Variants in MTA3 observed in about 807,000 individuals in gnomAD.
The protein encoded by MTA3 is metastasis associated 1 family member 3, also known as metastasis-associated protein MTA3.
A neutral mutation model predicts 83.5 loss-of-function variants in MTA3; 34 were observed. That is an observed-to-expected ratio of 0.41 (90% CI 0.31 to 0.54). The LOEUF is 0.54. Ranked by LOEUF, MTA3 falls within the 20% of genes least tolerant of loss-of-function variation. The pLI, the probability that MTA3 is intolerant of heterozygous loss-of-function variation, is 0.33. For synonymous variants in MTA3, 303 were observed against 252.7 expected (o/e 1.20, Z -1.89); for missense variants, 761 against 726.4 (o/e 1.05, Z -0.55).
At chr2:42,527,300 G>A (rs1675761570) in intron 2 of MTA3, among the ~76,000 whole-genome samples, 1 of 152,076 alleles carries the variant, frequency 6.6e-6, no homozygotes, top group African/African-American at 2.4e-5. Flanking sequence ...AAGCAAGTTT[G>A]AATCCTTCAT....
chr2:42,651,474 C>T (rs531426841), intron 6 of MTA3, among the ~76,000 whole-genome samples: 1 of 152,168 alleles, frequency 6.6e-6, no homozygotes, highest in Non-Finnish European at 1.5e-5. Context: ...TTTAATACTG[C>T]CATCCTGAGG....
chr2:42,648,845 CTTAAA>C (rs1206394513), intron 6 of MTA3, among the ~76,000 whole-genome samples: 3 of 151,900 alleles, frequency 2.0e-5, no homozygotes, highest in African/African-American at 4.8e-5. Flanking sequence ...TTATGAAAAC[CTTAAA>C]TTATTAAACG....
chr2:42,623,018 A>T (rs1172445867), intron 4 of MTA3, among the ~76,000 whole-genome samples: 1 of 152,250 alleles, frequency 6.6e-6, no homozygotes, highest in Non-Finnish European at 1.5e-5. Context: ...AACTTTGTTT[A>T]TGACAAAGTC....
At chr2:42,649,294 G>A (rs2104335549) in intron 6 of MTA3, among the ~76,000 whole-genome samples, 1 of 152,150 alleles carries the variant, frequency 6.6e-6, no homozygotes, top group African/African-American at 2.4e-5. Flanking sequence ...CTACTCGGGA[G>A]GCTGAGGCAG....
At chr2:42,624,355 C>A (rs1458986133) in intron 4 of MTA3, among the ~76,000 whole-genome samples, 2 of 151,490 alleles carry the variant, frequency 1.3e-5, no homozygotes, top group African/African-American at 4.8e-5. Context: ...GAATCTTGCT[C>A]TTGTTGCCCA....
chr2:42,497,930 A>G (rs975083749), intron 2 of MTA3, among the ~76,000 whole-genome samples: 5 of 152,210 alleles, frequency 3.3e-5, no homozygotes, highest in Non-Finnish European at 1.5e-5. Context: ...GTGACCAACA[A>G]CAGAGTAACC....
At chr2:42,706,608 C>T (rs997577765) in intron 12 of MTA3, among the ~76,000 whole-genome samples, 5 of 152,204 alleles carry the variant, frequency 3.3e-5, no homozygotes, top group African/African-American at 1.2e-4. Context: ...TTAAGGCAAA[C>T]TTACAGAATT....
At chr2:42,741,837 T>G (rs1669058257) in intron 16 of MTA3, among the ~76,000 whole-genome samples, 1 of 152,072 alleles carries the variant, frequency 6.6e-6, no homozygotes, top group African/African-American at 2.4e-5. Context: ...AGAAAAAGCT[T>G]GAAGTATTGT....
At chr2:42,494,355 C>G (rs1674032277), upstream of MTA3, among the ~76,000 whole-genome samples, 1 of 152,188 alleles carries the variant, frequency 6.6e-6, no homozygotes, top group African/African-American at 2.4e-5. Flanking sequence ...TGGTTCAAAG[C>G]CCAGTGTGGA....
intron 6 of MTA3, 145 bp from the exon 7 acceptor site, chr2:42,656,055 A>G (rs953431093): frequency 9.5e-5 from 56 of 586,962 alleles, no homozygotes; most frequent in Middle Eastern, 8.6e-4. Flanking sequence ...GGTGTTGTAC[A>G]TCTACGTCTG....
chr2:42,606,016 G>A (rs867100960), intron 3 of MTA3, among the ~76,000 whole-genome samples: 1 of 11,060 alleles, frequency 9.0e-5, no homozygotes, highest in Non-Finnish European at 1.4e-4. Context: ...GGCCAGGTGG[G>A]GGGCTGACCC....
At chr2:42,554,207 C>T (rs564502879) in intron 2 of MTA3, among the ~76,000 whole-genome samples, 2 of 152,216 alleles carry the variant, frequency 1.3e-5, no homozygotes, top group African/African-American at 4.8e-5. Flanking sequence ...GCACTCCAGC[C>T]TGGGCGACAG....
chr2:42,521,162 G>A (rs1221565186), intron 2 of MTA3, among the ~76,000 whole-genome samples: 1 of 152,192 alleles, frequency 6.6e-6, no homozygotes, highest in Admixed American at 6.5e-5. Flanking sequence ...ACAAAAGCCT[G>A]TGGCCTCTTT....
chr2:42,619,181 G>A (rs941376158), intron 4 of MTA3, among the ~76,000 whole-genome samples: 1 of 152,220 alleles, frequency 6.6e-6, no homozygotes, highest in Non-Finnish European at 1.5e-5. Flanking sequence ...TTCAGTAGTT[G>A]ATAGATGTGA....
chr2:42,643,062 T>C (rs1687847928), intron 5 of MTA3, among the ~76,000 whole-genome samples: 1 of 141,400 alleles, frequency 7.1e-6, no homozygotes, highest in South Asian at 2.6e-4. Context: ...TTTTTAACAG[T>C]TTTTTTGTTT....
At chr2:42,584,830 C>G (rs1680073974) in intron 3 of MTA3, among the ~76,000 whole-genome samples, 1 of 151,914 alleles carries the variant, frequency 6.6e-6, no homozygotes, top group Non-Finnish European at 1.5e-5. Flanking sequence ...TCGTGCCACA[C>G]CCTGGGTGTG....
chr2:42,723,929 G>A (rs1667616446), intron 16 of MTA3, among the ~76,000 whole-genome samples: 1 of 152,042 alleles, frequency 6.6e-6, no homozygotes. Flanking sequence ...TCATAATAAT[G>A]TCAAAAATGT....
intron 4 of MTA3, among the ~76,000 whole-genome samples, chr2:42,638,113 T>G (rs922984629): frequency 6.6e-6 from 1 of 152,220 alleles, no homozygotes; most frequent in African/African-American, 2.4e-5. Flanking sequence ...CAAGCAAATC[T>G]GACTTTAGAG....
chr2:42,727,442 G>T (rs1042779617), intron 16 of MTA3, among the ~76,000 whole-genome samples: 6 of 152,104 alleles, frequency 3.9e-5, no homozygotes, highest in Non-Finnish European at 8.8e-5. Flanking sequence ...AGCAAACCAG[G>T]TATCACCTAC....
Sources: allele counts gnomAD v4.1 joint callset (sites outside exome capture counted in the v4.1 genomes callset), GRCh38; gene constraint gnomAD v4.1.1; transcripts MANE v1.5; gene names NCBI Gene and HGNC (gene_info 2026-07-23, HGNC 2026-07-21).